The following JDP2 variants were observed in gnomAD, a reference collection of about 807,000 sequenced individuals.
JDP2 encodes the protein progesterone receptor co-activator.
A neutral mutation model predicts 17.1 loss-of-function variants in JDP2; 9 were observed. That is an observed-to-expected ratio of 0.53 (90% CI 0.32 to 0.92). The LOEUF is 0.92. Ranked by LOEUF, JDP2 falls within the 40% of genes least tolerant of loss-of-function variation. JDP2 has a pLI of 0.04. For synonymous variants in JDP2, 107 were observed against 95.6 expected, an observed-to-expected ratio of 1.12 and a Z score of -0.69; for missense variants, 179 against 220.0, an observed-to-expected ratio of 0.81 and a Z score of 1.18.
chr14:75,468,669 C>A (rs1886675064), intron 3 of JDP2, among the ~76,000 whole-genome samples: 1 of 152,216 alleles, frequency 6.6e-6, no homozygotes, highest in African/African-American at 2.4e-5. Flanking sequence ...ACTGCTGATT[C>A]CCTGTCTGTG....
chr14:75,444,944 C>G (rs1047858687), intron 2 of JDP2: 5 of 205,186 alleles, frequency 2.4e-5, no homozygotes, highest in Non-Finnish European at 4.3e-5. Flanking sequence ...CTGTTTTCCC[C>G]TAAGCTGCCT....
At chr14:75,431,116 A>G (rs553865124) in intron 1 of JDP2, among the ~76,000 whole-genome samples, 1 of 152,342 alleles carries the variant, frequency 6.6e-6, no homozygotes, top group Admixed American at 6.5e-5. Flanking sequence ...AACCCCTGCC[A>G]GCCACCAAGG....
intron 1 of JDP2, among the ~76,000 whole-genome samples, chr14:75,436,984 A>G (rs1189218957): frequency 1.3e-5 from 2 of 152,200 alleles, no homozygotes; most frequent in Non-Finnish European, 2.9e-5. Context: ...ATTTGAAGCC[A>G]GGAGTTCAAC....
intron 3 of JDP2, among the ~76,000 whole-genome samples, chr14:75,465,923 G>T (rs984021806): frequency 6.6e-6 from 1 of 152,144 alleles, no homozygotes; most frequent in African/African-American, 2.4e-5. Context: ...GCAGCCGGAG[G>T]TATATGCTTC....
At chr14:75,442,018 A>C (rs1486159297) in intron 2 of JDP2, among the ~76,000 whole-genome samples, 3 of 149,398 alleles carry the variant, frequency 2.0e-5, no homozygotes, top group African/African-American at 5.0e-5. Context: ...GCTAGACAGG[A>C]CCCCTCACCC....
At chr14:75,431,658 C>A (rs574599756) in intron 1 of JDP2, among the ~76,000 whole-genome samples, 1 of 152,364 alleles carries the variant, frequency 6.6e-6, no homozygotes, top group African/African-American at 2.4e-5. Flanking sequence ...CCTGACCTGG[C>A]ACCCTTTGTT....
chr14:75,432,421 A>C (rs1884850872), intron 1 of JDP2: 24 of 1,340,028 alleles, frequency 1.8e-5, no homozygotes, highest in Middle Eastern at 2.0e-4. Context: ...CTGTCCTGGG[A>C]ATCTTCCCAG....
At chr14:75,445,030 G>C (rs910427307) in intron 2 of JDP2, 2 of 864,836 alleles carry the variant, frequency 2.3e-6, no homozygotes, top group African/African-American at 3.7e-5. Flanking sequence ...TCTTTTAGCA[G>C]CCTTAAGAAG....
In JDP2 at chr14:75,473,889, AGGAGGGAACTAG is replaced by A. The variant is rs1886861699; in HGVS notation, c.*4418_*4429del. The A allele has an allele frequency of 6.6e-6, 1 of 152,230 alleles. No homozygotes were observed. Among genetic ancestry groups the A allele is most frequent in the Admixed American group, 6.5e-5 (1 of 15,280 alleles). The allele number at this position is 152,230 out of a possible 1,614,324, so 9.4% of individuals were successfully genotyped here. On this transcript the variant is annotated 3_prime_UTR_variant, in exon 4 of 4. Coordinates refer to ENST00000651602, the MANE Select transcript of JDP2 (RefSeq NM_001135048.2). ...GAGTGCTCCTGGGAGGGCCGCGGAG[AGGAGGGAACTAG>A]GGATGCCACTGCAAGGGTAAGTAGG...
chr14:75,434,385 A>G (rs996720686), intron 1 of JDP2, among the ~76,000 whole-genome samples: 2 of 151,998 alleles, frequency 1.3e-5, no homozygotes, highest in Admixed American at 1.3e-4. Flanking sequence ...GGCATGGCTG[A>G]GGGCTTTGTG....
chr14:75,448,710 C>T (rs957080901), intron 2 of JDP2, among the ~76,000 whole-genome samples: 7 of 152,162 alleles, frequency 4.6e-5, no homozygotes, highest in African/African-American at 1.2e-4. Context: ...ATTACGCTGC[C>T]GAGCTTGTCA....
rs1886340896 is a variant in JDP2, at chr14:75,461,412, C to T, written c.202-14C>T. 2 of 1,590,380 alleles carry T rather than the reference C, an allele frequency of 1.3e-6. No homozygotes were observed. Among genetic ancestry groups the T allele is most frequent in the Non-Finnish European group, 1.7e-6 (2 of 1,167,554 alleles). On this transcript the variant is annotated splice_polypyrimidine_tract_variant and intron_variant, in intron 2 of 3. Coordinates refer to ENST00000651602, the MANE Select transcript of JDP2 (RefSeq NM_001135048.2). ...CTGCCTCAGTGTCTAATCAGTGGCT[C>T]TGTGCCCTCACAGCTAGATGAGGAA... is the stretch of plus-strand genomic sequence containing the variant.
At chr14:75,434,218 T>G (rs1671566669) in intron 1 of JDP2, among the ~76,000 whole-genome samples, 1 of 152,222 alleles carries the variant, frequency 6.6e-6, no homozygotes, top group Non-Finnish European at 1.5e-5. Flanking sequence ...AAGTTGCCTT[T>G]CTGCCTTAGA....
At chr14:75,468,112 C>T (rs991666186) in intron 3 of JDP2, among the ~76,000 whole-genome samples, 7 of 152,180 alleles carry the variant, frequency 4.6e-5, no homozygotes, top group South Asian at 2.1e-4. Context: ...TATGGGCTTA[C>T]GGGCCCTCTG....
intron 2 of JDP2, among the ~76,000 whole-genome samples, chr14:75,448,135 T>G (rs1381549587): frequency 6.6e-6 from 1 of 152,176 alleles, no homozygotes; most frequent in Non-Finnish European, 1.5e-5. Flanking sequence ...TTGTTCTCAT[T>G]GAATGACTAT....
At position 75,469,464 on chromosome 14, in the gene JDP2, G is replaced by C; in HGVS notation, c.481G>C (p.Glu161Gln). The C allele has an allele frequency of 1.2e-6, 2 of 1,613,450 alleles. No individual in the cohort carries two copies. Among genetic ancestry groups the C allele is most frequent in the Middle Eastern group, 3.3e-4 (2 of 6,030 alleles). ...AGGCAACCCACTGCTCGAGCAGCTC[G>C]AGAAGAAGTGACCATGGGCTGGGAG... ...SEGNPLLEQL[E>Q]KK The change falls in exon 4 of 4, where the codon GAG becomes CAG. Residue 161 changes from glutamate to glutamine, a missense_variant. Glu to Gln is a conservative substitution (Grantham distance 29). Coordinates refer to ENST00000651602, the MANE Select transcript of JDP2 (RefSeq NM_001135048.2).
At chr14:75,453,940 A>G (rs927510042) in intron 2 of JDP2, among the ~76,000 whole-genome samples, 10 of 151,324 alleles carry the variant, frequency 6.6e-5, no homozygotes, top group African/African-American at 2.4e-4. Context: ...TTCTTTGTCC[A>G]TGTGAGAGTT....
chr14:75,458,469 C>T (rs1173347138), intron 2 of JDP2, among the ~76,000 whole-genome samples: 1 of 152,124 alleles, frequency 6.6e-6, no homozygotes, highest in Non-Finnish European at 1.5e-5. Context: ...ATAACCTGAG[C>T]TCCATCTATG....
At chr14:75,445,199 C>T in intron 2 of JDP2, 1 of 985,350 alleles carries the variant, frequency 1.0e-6, no homozygotes, top group Non-Finnish European at 1.2e-6. Flanking sequence ...TTCTACTGTG[C>T]CCAAAAGGCA....
Sources: gnomAD v4.1 joint callset for allele counts (sites outside exome capture counted in the v4.1 genomes callset) on GRCh38, gnomAD v4.1.1 for gene constraint, MANE v1.5 for transcripts, NCBI Gene and HGNC (gene_info 2026-07-23, HGNC 2026-07-21) for gene names.